Variants in SPATA13 observed in about 807,000 individuals in gnomAD.
SPATA13 encodes spermatogenesis-associated protein 13.
Under a neutral mutation model 104.0 loss-of-function variants are expected in SPATA13, and 50 were observed. The observed-to-expected ratio is 0.48, with a 90% CI of 0.38 to 0.61. The LOEUF is 0.61. SPATA13 is among the 20% of genes least tolerant of loss of function. The probability of loss-of-function intolerance (pLI) is 0.00; values close to 1 mark genes in which losing one functional copy is unlikely to be tolerated. For missense variants in SPATA13, 1,524 were observed against 1,690.6 expected, an observed-to-expected ratio of 0.90 and a Z score of 1.73; for synonymous variants, 606 against 667.5, an observed-to-expected ratio of 0.91 and a Z score of 1.42.
At chr13:24,158,531 C>T (rs1013217420), upstream of SPATA13, among the ~76,000 whole-genome samples, 5 of 152,214 alleles carry the variant, frequency 3.3e-5, no homozygotes, top group African/African-American at 7.2e-5. Flanking sequence ...GGTTGGACTG[C>T]GCCGCCTCTT....
chr13:24,029,221 G>T (rs762692984), intron 3 of SPATA13, among the ~76,000 whole-genome samples: 9 of 152,176 alleles, frequency 5.9e-5, no homozygotes, highest in Non-Finnish European at 1.3e-4. Flanking sequence ...AACACAGCCG[G>T]CCTCTGAAAA....
intron 1 of SPATA13, among the ~76,000 whole-genome samples, chr13:23,981,673 A>G (rs1874906947): frequency 6.6e-6 from 1 of 152,188 alleles, no homozygotes; most frequent in African/African-American, 2.4e-5. Flanking sequence ...TTTTGGACCC[A>G]TTTAAAATAG....
chr13:24,016,799 C>A (rs1195281872), intron 2 of SPATA13, among the ~76,000 whole-genome samples: 3 of 152,234 alleles, frequency 2.0e-5, no homozygotes, highest in African/African-American at 7.2e-5. Flanking sequence ...TGGCTCTGCA[C>A]CCCAAGGCCT....
rs376505603 is a variant in SPATA13, at chr13:24,223,643, C to A, written c.714C>A (p.Leu238=). Residue 238 remains leucine (L), a synonymous_variant, in exon 2 of 13, where the codon CTC becomes CTA. Coordinates refer to ENST00000382108, the MANE Select transcript of SPATA13 (RefSeq NM_001166271.3). The stretch of plus-strand genomic sequence containing the variant: ...AGGTGCCCGCCGTGTGTGAGATTCT[C>A]GTGAGGGACCCTGAAAACAACAGCA... ...TGQVPAVCEI[L]VRDPENNSMG... is the part of the protein sequence containing the mutation. 9 of 1,551,932 alleles carry A rather than the reference C, an allele frequency of 5.8e-6. No homozygotes were observed. The Admixed American group carries it at 1.6e-4, about 27-fold the overall frequency.
Position 24,081,514 on chromosome 13 carries a change from A to G in SPATA13, c.-112+63813A>G, listed in dbSNP as rs574830131. ...TGTAGGTCTCATTCTATTTCTTACT[A>G]AAAAAAAAAGCTGGCCCAGTGTGAT... On this transcript the variant is annotated intron_variant, in intron 3 of 14. Transcript: ENST00000424834. 4.2e-5 allele frequency among the ~76,000 whole-genome samples: 6 copies of G among 143,338 alleles called. No homozygotes were observed. In the South Asian group the frequency reaches 1.1e-3, roughly 26 times the overall value. The allele number at this position is 143,338 out of a possible 152,430, so 94.0% of individuals were successfully genotyped here.
intron 3 of SPATA13, among the ~76,000 whole-genome samples, chr13:24,043,702 C>T (rs918602774): frequency 6.6e-6 from 1 of 152,062 alleles, no homozygotes; most frequent in African/African-American, 2.4e-5. Flanking sequence ...AGCCTTATGC[C>T]AAAGGGAAAG....
chr13:24,299,022 G>A (rs2138772467), intron 11 of SPATA13, among the ~76,000 whole-genome samples: 1 of 152,270 alleles, frequency 6.6e-6, no homozygotes, highest in East Asian at 1.9e-4. Context: ...TAGATTATTG[G>A]TGCAGACTCT....
rs139762412 is a variant in SPATA13 at position 24,071,020 on chromosome 13, A to G, written c.-112+53319A>G. On this transcript the variant is annotated intron_variant, in intron 3 of 14. Coordinates refer to the SPATA13 transcript ENST00000424834. ...TATGTCTACGTCTGTGTTAATGTCT[A>G]TATCTGTGTATATATTCTGTTGGTT... Among the ~76,000 whole-genome samples, 291 of 152,242 alleles carry G rather than the reference A, an allele frequency of 1.9e-3. 2 individuals are homozygous for G. The highest frequency in any genetic ancestry group is 6.5e-3 in the African/African-American group (272 of 41,532).
chr13:24,241,369 G>A (rs1309338036), intron 2 of SPATA13, among the ~76,000 whole-genome samples: 1 of 152,228 alleles, frequency 6.6e-6, no homozygotes, highest in Non-Finnish European at 1.5e-5. Context: ...GGTCCCTAAA[G>A]TAGCAGAAAC....
chr13:24,007,200 T>G (rs1876273380), intron 2 of SPATA13, among the ~76,000 whole-genome samples: 1 of 152,136 alleles, frequency 6.6e-6, no homozygotes, highest in Non-Finnish European at 1.5e-5. Flanking sequence ...GCCCTGAGGC[T>G]CTGAGCCCTC....
At chr13:24,019,054 G>A (rs1181998328) in intron 3 of SPATA13, among the ~76,000 whole-genome samples, 1 of 151,462 alleles carries the variant, frequency 6.6e-6, no homozygotes, top group African/African-American at 2.4e-5. Context: ...TCTAAAGAAG[G>A]GGCTCCTAAG....
chr13:24,233,641 C>G (rs1039077038), intron 2 of SPATA13, among the ~76,000 whole-genome samples: 2 of 152,128 alleles, frequency 1.3e-5, no homozygotes, highest in Admixed American at 1.3e-4. Flanking sequence ...AAAAAAGTTT[C>G]CATTTGCTCT....
At chr13:24,015,819 C>T (rs1401150367) in intron 2 of SPATA13, among the ~76,000 whole-genome samples, 7 of 152,026 alleles carry the variant, frequency 4.6e-5, no homozygotes, top group South Asian at 2.1e-4. Context: ...GCTGGTGACA[C>T]GTCATAGTCC....
At chr13:24,294,662 GC>G (rs1566199995) in intron 9 of SPATA13, 76 bp from the exon 10 acceptor site, 1 of 1,464,772 alleles carries the variant, frequency 6.8e-7, no homozygotes. Flanking sequence ...ACGAAGAAGC[GC>G]CCCAGTGGAT....
chr13:24,251,767 C>T lies in SPATA13; in HGVS notation c.2069C>T (p.Ala690Val), dbSNP rs1873496439. The stretch of plus-strand genomic sequence containing the variant: ...GCTCACCAGGTGCCACCCTACAAGG[C>T]TGTGTCGGCCCGGTTCCGGCCCTTC... ...MPAHQVPPYK[A>V]VSARFRPFTF... Residue 690 changes from alanine (A) to valine (V), a missense_variant, in exon 4 of 13, where the codon GCT becomes GTT. By Grantham distance (64) the Ala-to-Val change is moderately conservative (BLOSUM62 0). Transcript: ENST00000382108. 1 of 1,614,232 alleles carries T rather than the reference C, an allele frequency of 6.2e-7. No homozygotes were observed. The highest frequency in any genetic ancestry group is 8.5e-7 in the Non-Finnish European group (1 of 1,180,032).
At chr13:24,238,914 G>T (rs928568454) in intron 2 of SPATA13, among the ~76,000 whole-genome samples, 1 of 152,104 alleles carries the variant, frequency 6.6e-6, no homozygotes, top group Admixed American at 6.5e-5. Flanking sequence ...AGCACTACGG[G>T]TGCTCCTTGC....
chr13:24,204,111 G>T (rs763338131), intron 1 of SPATA13, among the ~76,000 whole-genome samples: 1 of 152,174 alleles, frequency 6.6e-6, no homozygotes, highest in Non-Finnish European at 1.5e-5. Context: ...GACAGTTCCT[G>T]CACTGAAGCT....
chr13:24,010,342 G>T (rs781740285), intron 2 of SPATA13, among the ~76,000 whole-genome samples: 1 of 152,032 alleles, frequency 6.6e-6, no homozygotes, highest in Non-Finnish European at 1.5e-5. Context: ...TCTTTGTTCC[G>T]CATCTGTGAA....
intron 3 of SPATA13, among the ~76,000 whole-genome samples, chr13:24,124,654 T>C (rs1881149300): frequency 6.6e-6 from 1 of 152,244 alleles, no homozygotes; most frequent in South Asian, 2.1e-4. Flanking sequence ...GACAGAAGTT[T>C]CCAAGTTTGG....
Sources: allele counts gnomAD v4.1 joint callset (sites outside exome capture counted in the v4.1 genomes callset), GRCh38; gene constraint gnomAD v4.1.1; transcripts MANE v1.5; gene names NCBI Gene and HGNC (gene_info 2026-07-23, HGNC 2026-07-21).